Variants in UBR3 observed in about 807,000 individuals in gnomAD.
UBR3 encodes the protein E3 ubiquitin-protein ligase UBR3.
In UBR3, 85 loss-of-function variants were observed where a neutral mutation model predicts 243.2. The observed-to-expected ratio is 0.35, with a 90% CI of 0.29 to 0.42. UBR3 has a LOEUF of 0.42. Among genes scored for constraint, UBR3 ranks in the 10% least tolerant of loss-of-function variants. The probability of loss-of-function intolerance (pLI) is 1.00; values close to 1 mark genes in which losing one functional copy is unlikely to be tolerated. For synonymous variants in UBR3, 748 were observed against 799.8 expected (o/e 0.94, Z 1.09); for missense variants, 1,686 against 2,300.8 (o/e 0.73, Z 5.47).
At chr2:169,974,586 AT>A (rs1157128603) in intron 24 of UBR3, among the ~76,000 whole-genome samples, 1 of 151,796 alleles carries the variant, frequency 6.6e-6, no homozygotes, top group Non-Finnish European at 1.5e-5. Flanking sequence ...TGGTTTGTCA[AT>A]TTTATCTTTT....
chr2:169,962,760 T>C lies in UBR3; in HGVS notation c.3634+4234T>C, dbSNP rs542538246. 4.6e-4 allele frequency among the ~76,000 whole-genome samples: 70 copies of C among 152,334 alleles called. 1 individual carries two copies. In the South Asian group the frequency reaches 5.4e-3, roughly 12 times the overall value. On this transcript the variant is annotated intron_variant, in intron 24 of 38. Coordinates refer to ENST00000272793, the MANE Select transcript of UBR3 (RefSeq NM_172070.4). ...AGTTTAGGGTGTTTCTTTTTTTTCT[T>C]TATCTGTTTTTCTAAATTATCCTTC...
chr2:169,926,525 G>A (rs1182442933), intron 14 of UBR3, among the ~76,000 whole-genome samples, 167 bp from the exon 15 acceptor site: 1 of 152,128 alleles, frequency 6.6e-6, no homozygotes, highest in Non-Finnish European at 1.5e-5. Context: ...GGAGGCAGAG[G>A]TGGAGGTTGC....
At chr2:169,977,622 C>G (rs1342307760) in intron 24 of UBR3, among the ~76,000 whole-genome samples, 1 of 152,156 alleles carries the variant, frequency 6.6e-6, no homozygotes, top group Non-Finnish European at 1.5e-5. Flanking sequence ...GGAAACCAAG[C>G]AAGCTGAATA....
intron 1 of UBR3, among the ~76,000 whole-genome samples, chr2:169,855,353 T>C (rs1010787160): frequency 2.0e-5 from 3 of 152,202 alleles, no homozygotes; most frequent in Admixed American, 6.5e-5. Flanking sequence ...TTTTAATTTT[T>C]ATTTTTTTTA....
intron 1 of UBR3, among the ~76,000 whole-genome samples, chr2:169,849,561 T>C (rs991716979): frequency 3.3e-5 from 5 of 152,150 alleles, no homozygotes; most frequent in Non-Finnish European, 7.3e-5. Context: ...TCCCAAAGTG[T>C]TGGGATTACA....
At chr2:169,922,529 T>G (rs941918528) in intron 11 of UBR3, among the ~76,000 whole-genome samples, 1 of 152,174 alleles carries the variant, frequency 6.6e-6, no homozygotes, top group African/African-American at 2.4e-5. Flanking sequence ...GTATTTGTAT[T>G]GTCGTGCAGC....
intron 37 of UBR3, 163 bp from the exon 38 acceptor site, chr2:170,080,382 T>G (rs2091887083): frequency 1.2e-6 from 1 of 803,760 alleles, no homozygotes; most frequent in Non-Finnish European, 1.9e-6. Context: ...TACCTCCTAA[T>G]GTATTAATAA....
chr2:170,026,115 C>T (rs2090522580), intron 30 of UBR3, among the ~76,000 whole-genome samples: 1 of 151,322 alleles, frequency 6.6e-6, no homozygotes, highest in African/African-American at 2.4e-5. Flanking sequence ...AGAAATGTCA[C>T]CTTTTAGGGT....
intron 37 of UBR3, 28 bp from the exon 38 acceptor site, chr2:170,080,517 G>C: frequency 6.5e-7 from 1 of 1,548,466 alleles, no homozygotes; most frequent in Non-Finnish European, 8.7e-7. Context: ...TGATTATGAA[G>C]TTCATTAATA....
At chr2:169,907,254 A>T (rs1316407775) in intron 10 of UBR3, among the ~76,000 whole-genome samples, 4 of 151,768 alleles carry the variant, frequency 2.6e-5, no homozygotes. Context: ...CCCGGTTCAA[A>T]TTTCTAACAG....
intron 20 of UBR3, among the ~76,000 whole-genome samples, chr2:169,944,469 A>G (rs1427322343): frequency 6.6e-6 from 1 of 152,192 alleles, no homozygotes; most frequent in African/African-American, 2.4e-5. Flanking sequence ...ATGAAAAATA[A>G]AAAGACAATG....
At chr2:170,077,270 T>G in intron 36 of UBR3, 2 of 743,312 alleles carry the variant, frequency 2.7e-6, no homozygotes, top group Non-Finnish European at 5.1e-6. Flanking sequence ...TTCAGGATTG[T>G]TGGTAACCAC....
chr2:170,078,057 T>C, intron 36 of UBR3: 1 of 678,658 alleles, frequency 1.5e-6, no homozygotes, highest in Non-Finnish European at 2.8e-6. Context: ...CTGCTCCCTG[T>C]GGAGTCTTTC....
At chr2:170,017,513 A>G (rs2090270765) in intron 30 of UBR3, among the ~76,000 whole-genome samples, 3 of 144,216 alleles carry the variant, frequency 2.1e-5, no homozygotes. Flanking sequence ...TGCCTGGTAT[A>G]TAATTACGGA....
At chr2:169,895,443 T>C (rs1345067505) in intron 7 of UBR3, 132 bp downstream of exon 7, 1 of 1,027,080 alleles carries the variant, frequency 9.7e-7, no homozygotes, top group Admixed American at 3.5e-5. Context: ...TTTCTTCTCT[T>C]GATAACACAA....
chr2:169,940,838 A>C (rs2086554943), intron 19 of UBR3, among the ~76,000 whole-genome samples: 1 of 152,196 alleles, frequency 6.6e-6, no homozygotes, highest in Non-Finnish European at 1.5e-5. Context: ...GAAAATATTA[A>C]ATGGAAAATT....
At chr2:170,002,611 G>A (rs1017232665) in intron 27 of UBR3, among the ~76,000 whole-genome samples, 1 of 152,098 alleles carries the variant, frequency 6.6e-6, no homozygotes, top group Non-Finnish European at 1.5e-5. Context: ...TTCTGTTCAG[G>A]AATAACTTTT....
chr2:169,999,896 G>T (rs2089632130), intron 26 of UBR3, among the ~76,000 whole-genome samples: 1 of 152,166 alleles, frequency 6.6e-6, no homozygotes, highest in Non-Finnish European at 1.5e-5. Context: ...GGCCGAGACG[G>T]GTGGATCACT....
chr2:170,003,855 T>A (rs896510263), intron 27 of UBR3, among the ~76,000 whole-genome samples: 1 of 152,244 alleles, frequency 6.6e-6, no homozygotes, highest in Middle Eastern at 3.4e-3. Context: ...TTAGCCAGGA[T>A]GGTCTCGATC....
Sources: allele counts gnomAD v4.1 joint callset (sites outside exome capture counted in the v4.1 genomes callset), GRCh38; gene constraint gnomAD v4.1.1; transcripts MANE v1.5; gene names NCBI Gene and HGNC (gene_info 2026-07-23, HGNC 2026-07-21).